ATG10: variants seen among roughly 807,000 people sequenced by gnomAD.
The protein encoded by ATG10 is autophagy related 10.
In ATG10, 30 loss-of-function variants were observed where a neutral mutation model predicts 32.1. The observed-to-expected ratio is 0.94, with a 90% CI of 0.70 to 1.27. The LOEUF is 1.27. Among genes scored for constraint, ATG10 ranks in the 50% most tolerant of loss-of-function variants. The probability of loss-of-function intolerance (pLI) is 0.00; values close to 1 mark genes in which losing one functional copy is unlikely to be tolerated. For missense variants in ATG10, 233 were observed against 262.3 expected (o/e 0.89, Z 0.77); for synonymous variants, 87 against 91.5 (o/e 0.95, Z 0.28).
At chr5:82,158,353 C>G (rs1003527555) in intron 3 of ATG10, among the ~76,000 whole-genome samples, 1 of 150,792 alleles carries the variant, frequency 6.6e-6, no homozygotes, top group African/African-American at 2.4e-5. Context: ...CAGCTGCCCC[C>G]CCGCCCCCCA....
At chr5:82,079,908 A>G (rs544532669) in intron 3 of ATG10, among the ~76,000 whole-genome samples, 192 of 152,280 alleles carry the variant, frequency 1.3e-3, no homozygotes, top group Non-Finnish European at 2.1e-3. Flanking sequence ...GTCAAATGGT[A>G]TTTCTAGTTC....
rs879475744 is a variant in ATG10, at chr5:81,976,767, G to T, written c.-13+4461G>T. Among the ~76,000 whole-genome samples, 7 of 152,266 alleles carry T rather than the reference G, an allele frequency of 4.6e-5. No individual in the cohort carries two copies. The East Asian group carries it at 1.4e-3, about 29-fold the overall frequency. The stretch of plus-strand genomic sequence containing the variant: ...CATTATTGGAACGCTAAGCTTGTGG[G>T]AGTTATTTATATCCTGCTCATGGTC... On this transcript the variant is annotated intron_variant, in intron 1 of 7. Transcript: ENST00000282185.
At chr5:82,148,054 C>T (rs1443386232) in intron 3 of ATG10, 2 of 152,198 alleles carry the variant, frequency 1.3e-5, no homozygotes, top group Non-Finnish European at 2.9e-5. Flanking sequence ...CAGCAGATTA[C>T]AGCCCTTGGG....
intron 5 of ATG10, among the ~76,000 whole-genome samples, chr5:82,195,264 C>T (rs948883739): frequency 1.3e-5 from 2 of 152,126 alleles, no homozygotes; most frequent in Non-Finnish European, 2.9e-5. Flanking sequence ...ATACTCTATC[C>T]CCAGACTTGG....
chr5:82,014,260 A>C (rs1444890221), intron 2 of ATG10, among the ~76,000 whole-genome samples: 1 of 152,154 alleles, frequency 6.6e-6, no homozygotes. Context: ...TATGTGGTCA[A>C]TTTTGGAATA....
chr5:82,184,214 A>T (rs569764637), intron 5 of ATG10, among the ~76,000 whole-genome samples: 1 of 152,284 alleles, frequency 6.6e-6, no homozygotes, highest in African/African-American at 2.4e-5. Flanking sequence ...TCTGTGTCTT[A>T]GTTTGATTTT....
intron 3 of ATG10, among the ~76,000 whole-genome samples, chr5:82,097,928 A>G (rs1765124231): frequency 1.3e-5 from 2 of 152,334 alleles, no homozygotes; most frequent in South Asian, 4.1e-4. Context: ...ACAACAAAAA[A>G]CGAGCAATAA....
chr5:82,001,651 G>A (rs755342852), intron 2 of ATG10, among the ~76,000 whole-genome samples: 2 of 152,130 alleles, frequency 1.3e-5, no homozygotes, highest in Non-Finnish European at 1.5e-5. Flanking sequence ...ACTCAAGATC[G>A]ATTAAAGACT....
At chr5:82,157,833 C>A (rs181037505) in intron 3 of ATG10, among the ~76,000 whole-genome samples, 1 of 152,286 alleles carries the variant, frequency 6.6e-6, no homozygotes, top group Admixed American at 6.5e-5. Flanking sequence ...GTCTTTGAAC[C>A]AGTGATGTTA....
At position 82,128,112 on chromosome 5, in the gene ATG10, T is replaced by A. The variant is rs190172353; in HGVS notation, c.217-36287T>A. Among the ~76,000 whole-genome samples the A allele has an allele frequency of 4.3e-3, 653 of 152,166 alleles. 8 individuals carry two copies. The highest frequency in any genetic ancestry group is 5.0e-3 in the Admixed American group (76 of 15,276). ...AGAGACTAGAATTGCAACCCCTGAT[T>A]TTTTGTTTTTTTGCCTTCCATTTGC... is the stretch of plus-strand genomic sequence containing the variant. On this transcript the variant is annotated intron_variant, in intron 3 of 7. Transcript: ENST00000282185.
intron 5 of ATG10, among the ~76,000 whole-genome samples, chr5:82,198,912 A>G (rs1744961486): frequency 6.6e-6 from 1 of 152,218 alleles, no homozygotes; most frequent in African/African-American, 2.4e-5. Context: ...TACAGTAAAC[A>G]TTTCCAGGTA....
chr5:82,210,704 T>C (rs1207160395), intron 5 of ATG10, among the ~76,000 whole-genome samples: 2 of 151,962 alleles, frequency 1.3e-5, no homozygotes, highest in Non-Finnish European at 2.9e-5. Context: ...TTTAAGGAGG[T>C]TGATGGCGAG....
chr5:82,143,893 A>G (rs2149869769), intron 3 of ATG10, among the ~76,000 whole-genome samples: 1 of 152,322 alleles, frequency 6.6e-6, no homozygotes, highest in Non-Finnish European at 1.5e-5. Context: ...TTTTGGAAAG[A>G]TTTTGTATAG....
At chr5:82,117,744 C>A (rs937220704) in intron 3 of ATG10, among the ~76,000 whole-genome samples, 4 of 152,072 alleles carry the variant, frequency 2.6e-5, no homozygotes, top group African/African-American at 9.7e-5. Flanking sequence ...AAAGGAAGAT[C>A]TCCGAGAATG....
intron 3 of ATG10, among the ~76,000 whole-genome samples, chr5:82,076,728 TA>T (rs1459019369): frequency 6.6e-6 from 1 of 152,130 alleles, no homozygotes; most frequent in African/African-American, 2.4e-5. Flanking sequence ...TATTATCAAG[TA>T]AAAAAATTCA....
chr5:82,107,246 AAAC>A (rs1765470523), intron 3 of ATG10, among the ~76,000 whole-genome samples: 3 of 152,138 alleles, frequency 2.0e-5, no homozygotes, highest in Admixed American at 6.6e-5. Context: ...ACAAAGGTAT[AAAC>A]AAGAATTCTG....
At chr5:81,993,336 C>CTTCTTTCTTTCT (rs376821435) in intron 2 of ATG10, among the ~76,000 whole-genome samples, 1,048 of 77,600 alleles carry the variant, frequency 0.014, 101 homozygotes, top group Middle Eastern at 0.035. Flanking sequence ...TCCTTCCTTC[C>CTTCTTTCTTTCT]TTCTTTCTTT....
intron 3 of ATG10, among the ~76,000 whole-genome samples, chr5:82,138,003 C>T (rs773136495): frequency 1.3e-5 from 2 of 152,180 alleles, no homozygotes; most frequent in African/African-American, 2.4e-5. Context: ...ATTTGAACTT[C>T]CCAGAGGCTT....
At chr5:82,187,553 C>G (rs943871714) in intron 5 of ATG10, among the ~76,000 whole-genome samples, 2 of 149,000 alleles carry the variant, frequency 1.3e-5, no homozygotes, top group Non-Finnish European at 1.5e-5. Flanking sequence ...AAACTTCTTT[C>G]TCACTATCTT....
Sources: allele counts gnomAD v4.1 joint callset (sites outside exome capture counted in the v4.1 genomes callset), GRCh38; gene constraint gnomAD v4.1.1; transcripts MANE v1.5; gene names NCBI Gene and HGNC (gene_info 2026-07-23, HGNC 2026-07-21).